RORA: variants seen among roughly 807,000 people sequenced by gnomAD.
The protein encoded by RORA is RAR related orphan receptor A, also known as nuclear receptor ROR-alpha.
In RORA, 7 loss-of-function variants were observed where a neutral mutation model predicts 69.5. The ratio of observed to expected loss-of-function variants is 0.10; its 90% confidence interval spans 0.06 to 0.19. RORA has a LOEUF of 0.19. Among genes scored for constraint, RORA ranks in the 10% least tolerant of loss-of-function variants. The probability of loss-of-function intolerance (pLI) is 1.00; values close to 1 mark genes in which losing one functional copy is unlikely to be tolerated. For synonymous variants in RORA, 261 were observed against 240.8 expected, an observed-to-expected ratio of 1.08 and a Z score of -0.78; for missense variants, 457 against 663.0, an observed-to-expected ratio of 0.69 and a Z score of 3.41.
At chr15:61,156,438 A>G (rs1214105883) in intron 1 of RORA, among the ~76,000 whole-genome samples, 1 of 152,116 alleles carries the variant, frequency 6.6e-6, no homozygotes, top group African/African-American at 2.4e-5. Flanking sequence ...CCTACAGTAC[A>G]TGAGTCATAA....
At chr15:61,098,587 T>C (rs1442017657) in intron 1 of RORA, among the ~76,000 whole-genome samples, 1 of 152,112 alleles carries the variant, frequency 6.6e-6, no homozygotes, top group African/African-American at 2.4e-5. Flanking sequence ...AAGCAGTCCT[T>C]CCGACTTGGC....
intron 1 of RORA, among the ~76,000 whole-genome samples, chr15:61,151,370 G>T (rs547106511): frequency 6.6e-6 from 1 of 152,254 alleles, no homozygotes; most frequent in South Asian, 2.1e-4. Flanking sequence ...TCCTAAATAG[G>T]CTGAGTGAAT....
chr15:61,178,348 G>C (rs541313276), intron 1 of RORA, among the ~76,000 whole-genome samples: 1 of 152,056 alleles, frequency 6.6e-6, no homozygotes, highest in African/African-American at 2.4e-5. Flanking sequence ...TGAATTATTC[G>C]GATCCAAGGA....
intron 1 of RORA, among the ~76,000 whole-genome samples, chr15:60,996,142 CT>C (rs1477854122): frequency 1.3e-5 from 2 of 151,692 alleles, no homozygotes. Flanking sequence ...GAGATCTCAG[CT>C]CACTGCAACC....
chr15:60,778,432 A>C (rs2072206207), intron 1 of RORA, among the ~76,000 whole-genome samples: 1 of 152,190 alleles, frequency 6.6e-6, no homozygotes, highest in Non-Finnish European at 1.5e-5. Flanking sequence ...GTTATGTGGC[A>C]AACCTAACCC....
At position 60,550,632 on chromosome 15, in the gene RORA, TG is replaced by T. The variant is rs746749325; in HGVS notation, c.197-18782del. Among the ~76,000 whole-genome samples, 135 of 152,316 alleles carry T rather than the reference TG, an allele frequency of 8.9e-4. 2 individuals carry two copies. The Middle Eastern group carries it at 0.014, about 15-fold the overall frequency. On this transcript the variant is annotated intron_variant, in intron 2 of 10. Coordinates refer to ENST00000335670, the MANE Select transcript of RORA (RefSeq NM_134261.3). Reference sequence around the variant, plus strand: ...TCAATGGAAAAAAATTAATGTTTTTTGATGTTGTTTCTTTTCCTTAAGGCTT... The same window carrying T: ...TCAATGGAAAAAAATTAATGTTTTTTATGTTGTTTCTTTTCCTTAAGGCTT...
At position 60,730,704 on chromosome 15, in the gene RORA, A is replaced by G. The variant is rs547576890; in HGVS notation, c.167-52018T>C. Among the ~76,000 whole-genome samples the G allele has an allele frequency of 2.0e-5, 3 of 152,290 alleles. No homozygotes were observed. In the East Asian group the frequency reaches 5.8e-4, roughly 29 times the overall value. On this transcript the variant is annotated intron_variant, in intron 1 of 10. Coordinates refer to ENST00000335670, the MANE Select transcript of RORA (RefSeq NM_134261.3). ...TGATCATTTCATTTTACTTAATACT[A>G]TATCATGGATTCATTTCCAAGTCAA...
At chr15:60,809,910 T>C (rs2072718536) in intron 1 of RORA, among the ~76,000 whole-genome samples, 2 of 152,152 alleles carry the variant, frequency 1.3e-5, no homozygotes, top group Non-Finnish European at 2.9e-5. Flanking sequence ...AAATCAGGTG[T>C]TCTATCAGTT....
At chr15:60,889,090 C>A (rs773468977) in intron 1 of RORA, among the ~76,000 whole-genome samples, 20 of 152,244 alleles carry the variant, frequency 1.3e-4, no homozygotes, top group Non-Finnish European at 2.2e-4. Context: ...CCCCTAGCCC[C>A]GTGCTCAGGG....
chr15:61,217,587 G>A (rs780599077), intron 1 of RORA, among the ~76,000 whole-genome samples: 8 of 152,138 alleles, frequency 5.3e-5, no homozygotes, highest in Non-Finnish European at 8.8e-5. Context: ...ATTTCAGTGA[G>A]CTTCTTAAGA....
intron 1 of RORA, among the ~76,000 whole-genome samples, chr15:60,730,912 C>CT (rs762518377): frequency 2.0e-5 from 3 of 150,692 alleles, no homozygotes; most frequent in African/African-American, 7.3e-5. Context: ...TTTAAACATA[C>CT]TTTTATTTTA....
chr15:61,179,450 T>C (rs762860022), intron 1 of RORA, among the ~76,000 whole-genome samples: 35 of 152,242 alleles, frequency 2.3e-4, no homozygotes, highest in Non-Finnish European at 4.4e-4. Context: ...TTTTGTTTAA[T>C]TACAATATGT....
chr15:61,178,667 C>T (rs571019156), intron 1 of RORA, among the ~76,000 whole-genome samples: 50 of 152,044 alleles, frequency 3.3e-4, no homozygotes, highest in Non-Finnish European at 5.7e-4. Flanking sequence ...ATAAAAGATA[C>T]TCTATGTGAA....
intron 1 of RORA, among the ~76,000 whole-genome samples, chr15:61,018,657 T>C (rs1023363659): frequency 9.9e-5 from 15 of 152,182 alleles, no homozygotes; most frequent in Admixed American, 8.5e-4. Context: ...ACTGTGCTCA[T>C]ATATAACATG....
intron 1 of RORA, among the ~76,000 whole-genome samples, chr15:60,682,191 T>G (rs995974126): frequency 2.0e-5 from 3 of 152,176 alleles, no homozygotes; most frequent in Non-Finnish European, 2.9e-5. Context: ...ATGAAGAGCT[T>G]TACAAATTGG....
At chr15:60,652,107 T>C in intron 2 of RORA, among the ~76,000 whole-genome samples, 1 of 150,862 alleles carries the variant, frequency 6.6e-6, no homozygotes, top group Non-Finnish European at 1.5e-5. Context: ...GGTAGCAGAC[T>C]GCCTTTTTTT....
intron 1 of RORA, among the ~76,000 whole-genome samples, chr15:61,092,102 G>A (rs2078716323): frequency 6.6e-6 from 1 of 152,206 alleles, no homozygotes; most frequent in Non-Finnish European, 1.5e-5. Flanking sequence ...ACAATGTATT[G>A]TTTGGGATCA....
At chr15:60,506,797 G>T (rs1422193071) in intron 5 of RORA, among the ~76,000 whole-genome samples, 1 of 151,922 alleles carries the variant, frequency 6.6e-6, no homozygotes, top group Non-Finnish European at 1.5e-5. Flanking sequence ...GACCAGCCTG[G>T]CCAACATCAT....
chr15:60,683,572 A>C (rs2070686691), intron 1 of RORA, among the ~76,000 whole-genome samples: 1 of 152,034 alleles, frequency 6.6e-6, no homozygotes. Context: ...AGATCTTTAA[A>C]AATTATCTGG....
Sources: allele counts gnomAD v4.1 joint callset (sites outside exome capture counted in the v4.1 genomes callset), GRCh38; gene constraint gnomAD v4.1.1; transcripts MANE v1.5; gene names NCBI Gene and HGNC (gene_info 2026-07-23, HGNC 2026-07-21).